Variants in ZSCAN23 observed in about 807,000 individuals in gnomAD.
The protein encoded by ZSCAN23 is zinc finger and SCAN domain-containing protein 23.
A neutral mutation model predicts 19.3 loss-of-function variants in ZSCAN23; 19 were observed. The observed-to-expected ratio is 0.99, with a 90% confidence interval of 0.69 to 1.45. The LOEUF is 1.45. Ranked by LOEUF, ZSCAN23 falls within the 40% of genes most tolerant of loss-of-function variation. The probability of loss-of-function intolerance (pLI) is 0.00; values close to 1 mark genes in which losing one functional copy is unlikely to be tolerated. For synonymous variants in ZSCAN23, 140 were observed against 166.2 expected, an observed-to-expected ratio of 0.84 and a Z score of 1.21; for missense variants, 372 against 462.5, an observed-to-expected ratio of 0.80 and a Z score of 1.79.
At chr6:28,422,966 C>T in the ZSCAN23 span, among the ~76,000 whole-genome samples, 2 of 152,174 alleles carry the variant, frequency 1.3e-5, no homozygotes, top group African/African-American at 4.8e-5. This position sits in a 1 kb window ranked among gnomAD's most constrained non-coding sequence, Gnocchi z 4.0. Context: ...CTGAGTTGAC[C>T]CTTTACTGGC....
chr6:28,434,166 A>T lies in ZSCAN23; in HGVS notation c.*299T>A, dbSNP rs983883610. 21 of 253,284 alleles carry T rather than the reference A, an allele frequency of 8.3e-5. No individual in the cohort carries two copies. The East Asian group carries it at 1.3e-3, about 15-fold the overall frequency. 15.7% of individuals were successfully genotyped at this position (253,284 alleles called of 1,614,324 possible). Reference sequence around the variant, plus strand: ...CTACATATAACTATTTTAAACTTTTAAAAAAAGTTTTTAAAAACTAGGATG... The same window carrying T: ...CTACATATAACTATTTTAAACTTTTTAAAAAAGTTTTTAAAAACTAGGATG... On this transcript the variant is annotated 3_prime_UTR_variant, in exon 4 of 4. Coordinates refer to ENST00000289788, the MANE Select transcript of ZSCAN23 (RefSeq NM_001012455.2).
intron 1 of ZSCAN23, among the ~76,000 whole-genome samples, chr6:28,438,639 C>T (rs1175703727): frequency 2.0e-5 from 3 of 152,040 alleles, no homozygotes; most frequent in Non-Finnish European, 4.4e-5. Context: ...GGAGAAGTGC[C>T]GAGCAAAAGG....
the ZSCAN23 span, among the ~76,000 whole-genome samples, chr6:28,425,697 C>T: frequency 2.6e-5 from 4 of 152,164 alleles, no homozygotes. Context: ...GCTCCATTAG[C>T]TCCTATCAAG....
chr6:28,443,321 C>T (rs1762041309), intron 1 of ZSCAN23, 78 bp downstream of exon 1: 1 of 152,698 alleles, frequency 6.5e-6, no homozygotes, highest in Non-Finnish European at 1.5e-5. Flanking sequence ...CCGCCAAATC[C>T]CCACACCCAG....
downstream of ZSCAN23, among the ~76,000 whole-genome samples, chr6:28,427,532 G>A (rs1357764992): frequency 1.3e-5 from 2 of 152,118 alleles, no homozygotes; most frequent in African/African-American, 4.8e-5. Context: ...TGTACAGCAC[G>A]TTTCTGTATT....
At chr6:28,425,005 C>A in the ZSCAN23 span, among the ~76,000 whole-genome samples, 1 of 152,178 alleles carries the variant, frequency 6.6e-6, no homozygotes, top group East Asian at 1.9e-4. Context: ...TATACCCTTA[C>A]AAAATGTATT....
In ZSCAN23 at chr6:28,436,104, A is replaced by T; in HGVS notation, c.163T>A (p.Cys55Ser). The change falls in exon 2 of 4, where the codon TGC (cysteine) becomes AGC (serine). Residue 55 changes from cysteine (C) to serine (S), a missense_variant. Physicochemically the swap from Cys to Ser is moderately radical, Grantham distance 112 (BLOSUM62 -1). Transcript: ENST00000289788. ...EIFRRRFRQF[C>S]YQESPGPREA... ...CGGGGCCCAGGGGACTCCTGATAGCAGAACTGCCTGAAGCGTCTACGAAAG... is the reference window on the plus strand; with the variant it reads ...CGGGGCCCAGGGGACTCCTGATAGCTGAACTGCCTGAAGCGTCTACGAAAG... The T allele has an allele frequency of 6.2e-7, 1 of 1,613,832 alleles. No homozygotes were observed. Among genetic ancestry groups the T allele is most frequent in the Non-Finnish European group, 8.5e-7 (1 of 1,179,836 alleles).
At chr6:28,435,156 AGTGGCCAG>A in intron 3 of ZSCAN23, 78 bp from the exon 4 acceptor site, 1 of 1,438,728 alleles carries the variant, frequency 7.0e-7, no homozygotes. Flanking sequence ...AAAGAAAAAA[AGTGGCCAG>A]GAGAATGGGT....
At chr6:28,440,456 A>G (rs1761979395) in intron 1 of ZSCAN23, among the ~76,000 whole-genome samples, 1 of 152,200 alleles carries the variant, frequency 6.6e-6, no homozygotes, top group Admixed American at 6.5e-5. Flanking sequence ...CATCCAGGGA[A>G]GAGATCATCA....
chr6:28,428,555 T>C (rs1309349587), downstream of ZSCAN23, among the ~76,000 whole-genome samples: 1 of 152,222 alleles, frequency 6.6e-6, no homozygotes, highest in Non-Finnish European at 1.5e-5. Flanking sequence ...CTTGGTGCCC[T>C]CTTTATTTCT....
chr6:28,438,672 G>A (rs60660967), intron 1 of ZSCAN23, among the ~76,000 whole-genome samples: 10,300 of 152,110 alleles, frequency 0.068, 414 homozygotes, highest in South Asian at 0.17. Context: ...TTATAAAACC[G>A]TCAGATCTCA....
At position 28,434,097 on chromosome 6, in the gene ZSCAN23, TTAAA is replaced by T. The variant is rs1179139131; in HGVS notation, c.*364_*367del. The T allele has an allele frequency of 4.9e-5, 8 of 162,162 alleles. No individual in the cohort carries two copies. In the East Asian group the frequency reaches 1.4e-3, roughly 29 times the overall value. 10.0% of individuals were successfully genotyped at this position (162,162 alleles called of 1,614,324 possible). A position where few individuals can be genotyped will look rare whatever the true frequency, so the allele number is the denominator to read the frequency against. ...ATTACAATTATTTTTAAGTTAATTT[TTAAA>T]TACTCGGTGAACTGCATTTGAGATT... On this transcript the variant is annotated 3_prime_UTR_variant, in exon 4 of 4. Transcript: ENST00000289788.
intron 1 of ZSCAN23, 99 bp from the exon 2 acceptor site, chr6:28,436,442 A>G: frequency 1.8e-6 from 1 of 562,092 alleles, no homozygotes; most frequent in Non-Finnish European, 3.0e-6. Context: ...ACTCTGTCTC[A>G]TGAAGGAACA....
intron 1 of ZSCAN23, 92 bp from the exon 2 acceptor site, chr6:28,436,435 C>G: frequency 1.6e-6 from 1 of 613,426 alleles, no homozygotes; most frequent in Non-Finnish European, 2.7e-6. Flanking sequence ...ATCAGTCACT[C>G]TGTCTCATGA....
chr6:28,441,531 T>G (rs1256242448), intron 1 of ZSCAN23, among the ~76,000 whole-genome samples: 2 of 152,064 alleles, frequency 1.3e-5, no homozygotes, highest in Non-Finnish European at 2.9e-5. Context: ...CTTTACCCAT[T>G]TCAGCTCACC....
At chr6:28,431,296 T>C (rs1761757853), downstream of ZSCAN23, among the ~76,000 whole-genome samples, 1 of 152,216 alleles carries the variant, frequency 6.6e-6, no homozygotes, top group Non-Finnish European at 1.5e-5. Flanking sequence ...CTTTTCTATA[T>C]GCTTGGTTGA....
chr6:28,434,173 GT>G lies in ZSCAN23; in HGVS notation c.*291del, dbSNP rs535206755. The G allele has an allele frequency of 7.8e-4, 215 of 273,940 alleles. No individual in the cohort carries two copies. Among genetic ancestry groups the G allele is most frequent in the Admixed American group, 2.6e-3 (55 of 21,400 alleles). 17.0% of individuals were successfully genotyped at this position (273,940 alleles called of 1,614,324 possible). ...TAACTATTTTAAACTTTTAAAAAAA[GT>G]TTTTAAAAACTAGGATGAAGAAGTT... On this transcript the variant is annotated 3_prime_UTR_variant, in exon 4 of 4. Coordinates refer to ENST00000289788, the MANE Select transcript of ZSCAN23 (RefSeq NM_001012455.2).
the ZSCAN23 span, among the ~76,000 whole-genome samples, chr6:28,421,891 CA>C: frequency 6.6e-6 from 1 of 151,376 alleles, no homozygotes; most frequent in Admixed American, 6.6e-5. Flanking sequence ...ACAAAATGAA[CA>C]AAAAAAAGTT....
At chr6:28,442,048 T>C (rs978876226) in intron 1 of ZSCAN23, among the ~76,000 whole-genome samples, 2 of 151,950 alleles carry the variant, frequency 1.3e-5, no homozygotes, top group African/African-American at 4.8e-5. Context: ...TGGCTCATTT[T>C]TGCATTTTTA....
Sources: allele counts gnomAD v4.1 joint callset (sites outside exome capture counted in the v4.1 genomes callset), GRCh38; gene constraint gnomAD v4.1.1; non-coding constraint Gnocchi (gnomAD v3.1); transcripts MANE v1.5; gene names NCBI Gene and HGNC (gene_info 2026-07-23, HGNC 2026-07-21).